The following PDXDC1 variants were observed in gnomAD, a reference collection of about 807,000 sequenced individuals.
PDXDC1 encodes the protein pyridoxal dependent decarboxylase domain containing 1, also known as pyridoxal-dependent decarboxylase domain-containing protein 1.
A neutral mutation model predicts 100.1 loss-of-function variants in PDXDC1; 42 were observed. The ratio of observed to expected loss-of-function variants is 0.42; its 90% confidence interval spans 0.33 to 0.54. The LOEUF is 0.54. PDXDC1 is among the 20% of genes least tolerant of loss of function. The pLI is 0.10. For synonymous variants in PDXDC1, 260 were observed against 371.7 expected (o/e 0.70, Z 3.46); for missense variants, 636 against 979.2 (o/e 0.65, Z 4.68).
chr16:15,049,801 A>C (rs2151722268), intron 16 of PDXDC1, among the ~76,000 whole-genome samples: 1 of 152,362 alleles, frequency 6.6e-6, no homozygotes, highest in East Asian at 1.9e-4. Context: ...GAACCAAGTC[A>C]CAGCCACTAA....
intron 1 of PDXDC1, chr16:14,975,637 G>A (rs1966708183): frequency 1.0e-6 from 1 of 985,402 alleles, no homozygotes; most frequent in Admixed American, 6.1e-5. Context: ...AAACCTGTAG[G>A]TTTTTCTTGG....
At chr16:14,983,939 G>T (rs1448777111) in intron 1 of PDXDC1, among the ~76,000 whole-genome samples, 1 of 152,240 alleles carries the variant, frequency 6.6e-6, no homozygotes, top group Non-Finnish European at 1.5e-5. Flanking sequence ...AAGGAAGGAG[G>T]ATCTCTTGAG....
At chr16:14,992,329 A>G (rs1375926279) in intron 1 of PDXDC1, among the ~76,000 whole-genome samples, 1 of 152,276 alleles carries the variant, frequency 6.6e-6, no homozygotes, top group Admixed American at 6.5e-5. Flanking sequence ...TAGGAGAGAG[A>G]TAGATAAAAG....
At chr16:14,983,241 T>C (rs1968408592) in intron 1 of PDXDC1, among the ~76,000 whole-genome samples, 2 of 152,386 alleles carry the variant, frequency 1.3e-5, no homozygotes, top group Admixed American at 1.3e-4. Context: ...TAAAAATAAA[T>C]TTTAGACTTT....
chr16:15,084,022 G>C (rs2045812079), intron 16 of PDXDC1, among the ~76,000 whole-genome samples: 1 of 152,042 alleles, frequency 6.6e-6, no homozygotes, highest in Non-Finnish European at 1.5e-5. Context: ...GGCCAGAACT[G>C]GAACTTACAA....
intron 1 of PDXDC1, chr16:14,976,908 G>A (rs1420842368): frequency 6.6e-6 from 1 of 152,314 alleles, no homozygotes; most frequent in Non-Finnish European, 1.5e-5. Flanking sequence ...TAAGAAGGTG[G>A]GTGGGCTTCA....
chr16:15,017,822 C>T (rs62039472), intron 11 of PDXDC1, among the ~76,000 whole-genome samples: 1 of 150,244 alleles, frequency 6.7e-6, no homozygotes, highest in South Asian at 2.1e-4. Context: ...TATGGAGTCT[C>T]GCTCTGTCAC....
At chr16:15,005,472 T>C (rs1464924652) in intron 5 of PDXDC1, among the ~76,000 whole-genome samples, 3 of 152,280 alleles carry the variant, frequency 2.0e-5, no homozygotes, top group African/African-American at 7.2e-5. Flanking sequence ...CTGTTACTTT[T>C]ATGGAGAAGG....
downstream of PDXDC1, chr16:15,038,750 G>GT: frequency 1.2e-6 from 1 of 856,836 alleles, no homozygotes; most frequent in East Asian, 2.4e-5. Flanking sequence ...AACCCTCCCA[G>GT]TAACGCAAGC....
At chr16:15,106,197 G>A in intron 16 of PDXDC1, 1 of 678,454 alleles carries the variant, frequency 1.5e-6, no homozygotes, top group Middle Eastern at 3.9e-4. Context: ...AGAGTCTAAG[G>A]GCCGTGGCAT....
intron 16 of PDXDC1, chr16:15,135,751 T>C: frequency 6.3e-7 from 1 of 1,597,076 alleles, no homozygotes; most frequent in Non-Finnish European, 8.6e-7. Flanking sequence ...CCAGGTCCTG[T>C]GTGTCTGACC....
chr16:15,062,026 A>G, intron 16 of PDXDC1: 1 of 1,050,058 alleles, frequency 9.5e-7, no homozygotes, highest in East Asian at 2.6e-5. Context: ...TCTTAATTTC[A>G]AAAGAAAGCC....
chr16:15,133,753 T>C (rs1229036675), intron 16 of PDXDC1: 5 of 1,596,356 alleles, frequency 3.1e-6, no homozygotes, highest in South Asian at 1.1e-5. Flanking sequence ...GACGTCACAG[T>C]CGGGGGATCC....
intron 13 of PDXDC1, among the ~76,000 whole-genome samples, chr16:15,023,956 T>A (rs1287892171): frequency 3.3e-5 from 5 of 152,282 alleles, no homozygotes; most frequent in Non-Finnish European, 7.3e-5. Flanking sequence ...AATTATGGCC[T>A]AGATTGAGCA....
At chr16:15,140,095 C>CAAAAAA (rs372891971), downstream of PDXDC1, among the ~76,000 whole-genome samples, 175 of 43,440 alleles carry the variant, frequency 4.0e-3, 4 homozygotes, top group East Asian at 0.016. Flanking sequence ...GACTCCATCT[C>CAAAAAA]AAAAAAAAAA....
chr16:15,065,893 T>TCAAAAACAGGCA (rs2044949328), intron 16 of PDXDC1, among the ~76,000 whole-genome samples: 1 of 152,170 alleles, frequency 6.6e-6, no homozygotes, highest in Admixed American at 6.5e-5. Context: ...AGTCATGACC[T>TCAAAAACAGGCA]CAAAAACAGG....
At chr16:15,071,387 T>A (rs1235308350) in intron 16 of PDXDC1, 5 of 825,522 alleles carry the variant, frequency 6.1e-6, no homozygotes, top group African/African-American at 3.5e-5. Context: ...GCTTCATTTT[T>A]AAAACACATT....
intron 16 of PDXDC1, chr16:15,094,249 C>G: frequency 6.4e-7 from 1 of 1,556,322 alleles, no homozygotes; most frequent in African/African-American, 1.4e-5. Context: ...CGAACTAACG[C>G]GACCGCTGCG....
At chr16:15,034,635 T>A in intron 21 of PDXDC1, 82 bp downstream of exon 21, 1 of 978,384 alleles carries the variant, frequency 1.0e-6, no homozygotes, top group Non-Finnish European at 1.6e-6. Context: ...CACTTCCCAC[T>A]GAGAATCCCG....
Sources: gnomAD v4.1 joint callset for allele counts (sites outside exome capture counted in the v4.1 genomes callset) on GRCh38, gnomAD v4.1.1 for gene constraint, MANE v1.5 for transcripts, NCBI Gene and HGNC (gene_info 2026-07-23, HGNC 2026-07-21) for gene names.